Variants in ATP2C1 observed in about 807,000 individuals in gnomAD.
ATP2C1 encodes calcium-transporting ATPase type 2C member 1.
In ATP2C1, 31 loss-of-function variants were observed where a neutral mutation model predicts 120.5. That is an observed-to-expected ratio of 0.26 (90% CI 0.19 to 0.35). The LOEUF (loss-of-function observed/expected upper bound fraction) is 0.35. Ranked by LOEUF, ATP2C1 falls within the 10% of genes least tolerant of loss-of-function variation. ATP2C1 has a pLI of 1.00. For missense variants in ATP2C1, 731 were observed against 1,107.5 expected (o/e 0.66, Z 4.83); for synonymous variants, 351 against 358.7 (o/e 0.98, Z 0.24).
At chr3:130,905,179 A>G (rs750197811) in intron 2 of ATP2C1, among the ~76,000 whole-genome samples, 2 of 152,034 alleles carry the variant, frequency 1.3e-5, no homozygotes, top group Non-Finnish European at 2.9e-5. Context: ...GCTCCATGCT[A>G]CTGGGTGTCA....
chr3:130,930,202 A>G (rs2059394385), intron 2 of ATP2C1: 1 of 551,200 alleles, frequency 1.8e-6, no homozygotes, highest in African/African-American at 1.9e-5. Flanking sequence ...CTAGCTGGGC[A>G]CCGATGGCTT....
intron 2 of ATP2C1, among the ~76,000 whole-genome samples, chr3:130,908,327 A>G (rs1281466482): frequency 6.6e-6 from 1 of 152,122 alleles, no homozygotes; most frequent in Non-Finnish European, 1.5e-5. Context: ...CATCAAGAGG[A>G]CTAGTTAAAA....
intron 1 of ATP2C1, among the ~76,000 whole-genome samples, chr3:130,887,787 T>A (rs916211190): frequency 6.6e-6 from 1 of 152,182 alleles, no homozygotes; most frequent in African/African-American, 2.4e-5. Context: ...AGGCCTGGGA[T>A]TGGGGACTTC....
intron 12 of ATP2C1, among the ~76,000 whole-genome samples, chr3:130,960,249 A>C (rs566465157): frequency 6.6e-6 from 1 of 152,310 alleles, no homozygotes; most frequent in South Asian, 2.1e-4. Flanking sequence ...ACCACATCTG[A>C]TACCTGTGCC....
chr3:130,860,343 G>A (rs568779338), intron 1 of ATP2C1, among the ~76,000 whole-genome samples: 1 of 152,306 alleles, frequency 6.6e-6, no homozygotes, highest in East Asian at 1.9e-4. Flanking sequence ...CTCATGATTT[G>A]CTGTGAAGAG....
At chr3:130,945,688 C>T (rs1170045702) in intron 8 of ATP2C1, among the ~76,000 whole-genome samples, 1 of 152,108 alleles carries the variant, frequency 6.6e-6, no homozygotes, top group Non-Finnish European at 1.5e-5. Context: ...CTACAAAGGA[C>T]AAGAACTCAT....
chr3:130,920,401 A>G (rs763831856), intron 2 of ATP2C1, among the ~76,000 whole-genome samples: 4 of 152,108 alleles, frequency 2.6e-5, no homozygotes, highest in South Asian at 2.1e-4. Context: ...AGGTTTTTAC[A>G]TGTAGATATG....
At chr3:130,970,696 T>C (rs925081489) in intron 17 of ATP2C1, among the ~76,000 whole-genome samples, 6 of 152,084 alleles carry the variant, frequency 3.9e-5, no homozygotes, top group Non-Finnish European at 8.8e-5. Flanking sequence ...CCTGGACTTA[T>C]TTGTTATTTT....
chr3:130,883,324 TTTC>T (rs2068845393), intron 1 of ATP2C1, among the ~76,000 whole-genome samples: 1 of 152,190 alleles, frequency 6.6e-6, no homozygotes, highest in Non-Finnish European at 1.5e-5. Flanking sequence ...TTTTTATTGT[TTTC>T]TTCATTTCAA....
chr3:130,863,526 T>C (rs1169089455), intron 1 of ATP2C1, among the ~76,000 whole-genome samples: 1 of 152,186 alleles, frequency 6.6e-6, no homozygotes, highest in East Asian at 1.9e-4. Flanking sequence ...GATAAAGTCT[T>C]TAAGAATTCA....
chr3:130,963,499 G>C (rs542809987), intron 12 of ATP2C1: 1 of 173,148 alleles, frequency 5.8e-6, no homozygotes, highest in Non-Finnish European at 1.2e-5. Flanking sequence ...ATTCCTTTTT[G>C]TGGCTAAAGT....
downstream of ATP2C1, among the ~76,000 whole-genome samples, chr3:131,004,485 C>A (rs1029781041): frequency 1.3e-5 from 2 of 152,158 alleles, no homozygotes; most frequent in Non-Finnish European, 2.9e-5. Flanking sequence ...AATGTAGATA[C>A]AATTGTCCAT....
At chr3:131,015,886 G>C (rs2063602032) in intron 26 of ATP2C1, 1 of 562,216 alleles carries the variant, frequency 1.8e-6, no homozygotes, top group Non-Finnish European at 3.2e-6. Flanking sequence ...ACATATTAAT[G>C]TATTACTTAA....
chr3:130,898,741 G>A (rs1206563011), intron 2 of ATP2C1, among the ~76,000 whole-genome samples: 1 of 152,088 alleles, frequency 6.6e-6, no homozygotes, highest in Admixed American at 6.6e-5. Flanking sequence ...AAAGCATTAT[G>A]AAACAAAATA....
At chr3:130,997,805 A>G (rs749624268) in intron 25 of ATP2C1, 52 bp downstream of exon 25, 1 of 1,595,044 alleles carries the variant, frequency 6.3e-7, no homozygotes, top group Non-Finnish European at 8.6e-7. Context: ...TATATCTGAT[A>G]GGATTCTTAG....
At chr3:131,007,030 A>T (rs147667091), downstream of ATP2C1, among the ~76,000 whole-genome samples, 590 of 152,322 alleles carry the variant, frequency 3.9e-3, 12 homozygotes, top group Admixed American at 0.035. Context: ...GTGGGATTTT[A>T]TGTTTTAGAA....
At chr3:130,932,576 A>G (rs1013305982) in intron 4 of ATP2C1, among the ~76,000 whole-genome samples, 1 of 152,150 alleles carries the variant, frequency 6.6e-6, no homozygotes. Flanking sequence ...AGCCTTATCT[A>G]TAAAATGGTG....
upstream of ATP2C1, among the ~76,000 whole-genome samples, chr3:130,892,715 G>A (rs1306005715): frequency 1.3e-5 from 2 of 150,086 alleles, no homozygotes; most frequent in African/African-American, 4.9e-5. Flanking sequence ...AACTCGTTAA[G>A]ACTAGAAATC....
chr3:130,902,607 C>G (rs968920073), intron 2 of ATP2C1, among the ~76,000 whole-genome samples: 1 of 151,784 alleles, frequency 6.6e-6, no homozygotes, highest in African/African-American at 2.4e-5. Flanking sequence ...TTTTACTATT[C>G]TTTGAAATCA....
Sources: gnomAD v4.1 joint callset for allele counts (sites outside exome capture counted in the v4.1 genomes callset) on GRCh38, gnomAD v4.1.1 for gene constraint, MANE v1.5 for transcripts, NCBI Gene and HGNC (gene_info 2026-07-23, HGNC 2026-07-21) for gene names.